The following LRP1B variants were observed in gnomAD, a reference collection of about 807,000 sequenced individuals.
The protein encoded by LRP1B is LDL receptor related protein 1B.
A neutral mutation model predicts 556.6 loss-of-function variants in LRP1B; 217 were observed. The observed-to-expected ratio is 0.39, with a 90% CI of 0.35 to 0.44. The LOEUF is 0.44. Among genes scored for constraint, LRP1B ranks in the 20% least tolerant of loss-of-function variants. The pLI is 1.00. For synonymous variants in LRP1B, 2,047 were observed against 1,865.8 expected (o/e 1.10, Z -2.50); for missense variants, 5,053 against 5,620.8 (o/e 0.90, Z 3.23).
Position 140,231,547 on chromosome 2 carries a change from T to A in LRP1B, c.*1639A>T, listed in dbSNP as rs191508678. On this transcript the variant is annotated 3_prime_UTR_variant, in exon 91 of 91. Coordinates refer to ENST00000389484, the MANE Select transcript of LRP1B (RefSeq NM_018557.3). The stretch of plus-strand genomic sequence containing the variant: ...ACCAAAATGAAAAATACTGTTCAAT[T>A]TAAAAAATGTACTTAAACAAGAACC... 6.6e-6 allele frequency: 1 copy of A among 151,818 alleles called. No individual in the cohort carries two copies. The highest frequency in any genetic ancestry group is 2.4e-5 in the African/African-American group (1 of 41,438). 9.4% of individuals were successfully genotyped at this position (151,818 alleles called of 1,614,324 possible).
chr2:141,308,133 AG>A (rs1405189340), intron 3 of LRP1B, among the ~76,000 whole-genome samples: 1 of 152,220 alleles, frequency 6.6e-6, no homozygotes, highest in Admixed American at 6.5e-5. Flanking sequence ...GCACTGGTTC[AG>A]GAATCAGTAT....
intron 1 of LRP1B, among the ~76,000 whole-genome samples, chr2:141,930,711 C>A (rs1700476308): frequency 6.6e-6 from 1 of 151,942 alleles, no homozygotes; most frequent in Non-Finnish European, 1.5e-5. Context: ...GTATTTGATT[C>A]TTCTTATCTG....
At chr2:140,720,458 C>CATT (rs1559075588) in intron 35 of LRP1B, among the ~76,000 whole-genome samples, 1 of 151,818 alleles carries the variant, frequency 6.6e-6, no homozygotes, top group African/African-American at 2.4e-5. Flanking sequence ...AGCTATTGTG[C>CATT]ATTATAATTA....
intron 2 of LRP1B, among the ~76,000 whole-genome samples, chr2:141,603,161 T>C (rs1369565963): frequency 6.6e-6 from 1 of 152,206 alleles, no homozygotes; most frequent in Admixed American, 6.5e-5. Flanking sequence ...AGTATCTGAC[T>C]CAAGCAAGTA....
chr2:142,022,073 T>C (rs1003505623), intron 1 of LRP1B, among the ~76,000 whole-genome samples: 34 of 152,166 alleles, frequency 2.2e-4, no homozygotes, highest in African/African-American at 8.0e-4. Flanking sequence ...TATTAAAGTA[T>C]GACTTGTGAA....
intron 1 of LRP1B, among the ~76,000 whole-genome samples, chr2:141,858,242 A>C (rs983655850): frequency 6.6e-6 from 1 of 152,166 alleles, no homozygotes; most frequent in Non-Finnish European, 1.5e-5. Flanking sequence ...ATTCATGTAG[A>C]GTTGACCATT....
chr2:141,610,910 G>T (rs1051092369), intron 2 of LRP1B, among the ~76,000 whole-genome samples: 1 of 152,152 alleles, frequency 6.6e-6, no homozygotes, highest in Non-Finnish European at 1.5e-5. Context: ...GTACTGGATT[G>T]AATTTGATTG....
In LRP1B at chr2:141,544,296, C is replaced by CTCTTCTTCTTCT. The variant is rs1175616888; in HGVS notation, c.206-63775_206-63764dup. On this transcript the variant is annotated intron_variant, in intron 2 of 90. Coordinates refer to ENST00000389484, the MANE Select transcript of LRP1B (RefSeq NM_018557.3). ...AAGTCTTCTCTTAAGAAATTTACCA[C>CTCTTCTTCTTCT]TCTTCTTCTTCTTCTTCTTCTTCTT... is the stretch of plus-strand genomic sequence containing the variant. Among the ~76,000 whole-genome samples the CTCTTCTTCTTCT allele has an allele frequency of 5.2e-4, 41 of 78,344 alleles. 1 individual carries two copies. Among genetic ancestry groups the CTCTTCTTCTTCT allele is most frequent in the African/African-American group, 2.0e-3 (39 of 19,386 alleles). 51.4% of individuals were successfully genotyped at this position (78,344 alleles called of 152,430 possible). A position where few individuals can be genotyped will look rare whatever the true frequency, so the allele number is the denominator to read the frequency against.
chr2:140,490,289 C>A (rs1688645786), intron 57 of LRP1B, among the ~76,000 whole-genome samples: 2 of 151,984 alleles, frequency 1.3e-5, no homozygotes, highest in Non-Finnish European at 2.9e-5. Context: ...AATTTTCATT[C>A]CCAAAATGTA....
intron 3 of LRP1B, among the ~76,000 whole-genome samples, chr2:141,379,549 G>A (rs955768139): frequency 6.6e-6 from 1 of 152,130 alleles, no homozygotes; most frequent in Non-Finnish European, 1.5e-5. Flanking sequence ...ATTGAAACAG[G>A]CAGGAAAAGC....
intron 82 of LRP1B, among the ~76,000 whole-genome samples, chr2:140,318,102 C>T (rs1269830155): frequency 6.6e-6 from 1 of 151,942 alleles, no homozygotes; most frequent in African/African-American, 2.4e-5. Context: ...CATCAGTTAA[C>T]AATAGCAGCC....
At chr2:140,484,687 T>G (rs1034944716) in intron 59 of LRP1B, among the ~76,000 whole-genome samples, 1 of 152,162 alleles carries the variant, frequency 6.6e-6, no homozygotes, top group Admixed American at 6.6e-5. Flanking sequence ...ATAATGGTCA[T>G]AATCTATAGA....
chr2:141,937,966 A>T (rs1320358833), intron 1 of LRP1B, among the ~76,000 whole-genome samples: 2 of 151,976 alleles, frequency 1.3e-5, no homozygotes, highest in African/African-American at 4.8e-5. Flanking sequence ...CTCATTGTGT[A>T]TTCTTGGTGC....
intron 43 of LRP1B, among the ~76,000 whole-genome samples, chr2:140,558,865 G>A (rs1270214985): frequency 2.0e-5 from 3 of 151,788 alleles, no homozygotes. Flanking sequence ...AAACCTGGGA[G>A]GTAGAGGCTG....
intron 3 of LRP1B, among the ~76,000 whole-genome samples, chr2:141,285,841 C>T (rs1179363461): frequency 6.1e-5 from 9 of 147,952 alleles, no homozygotes; most frequent in Non-Finnish European, 1.1e-4. Flanking sequence ...CCGAGGCGGG[C>T]GGATCACGAG....
At chr2:141,346,282 A>C (rs1398925455) in intron 3 of LRP1B, among the ~76,000 whole-genome samples, 2 of 152,030 alleles carry the variant, frequency 1.3e-5, no homozygotes, top group African/African-American at 4.8e-5. Flanking sequence ...TGTTTTTTTA[A>C]AAAAAGCAAC....
chr2:141,546,345 G>A (rs1251273143), intron 2 of LRP1B, among the ~76,000 whole-genome samples: 1 of 152,108 alleles, frequency 6.6e-6, no homozygotes, highest in Admixed American at 6.6e-5. Flanking sequence ...CAAAAAGCTA[G>A]TAAGCGGGCA....
chr2:141,599,189 T>C (rs1687644276), intron 2 of LRP1B, among the ~76,000 whole-genome samples: 1 of 151,526 alleles, frequency 6.6e-6, no homozygotes, highest in African/African-American at 2.4e-5. Context: ...TCATATCACT[T>C]TTGTTCATAG....
intron 79 of LRP1B, among the ~76,000 whole-genome samples, chr2:140,328,018 A>C (rs1489556251): frequency 6.6e-6 from 1 of 152,068 alleles, no homozygotes; most frequent in Admixed American, 6.6e-5. Flanking sequence ...GGAATCAACT[A>C]ACTTTTCCTG....
Sources: gnomAD v4.1 joint callset for allele counts (sites outside exome capture counted in the v4.1 genomes callset) on GRCh38, gnomAD v4.1.1 for gene constraint, MANE v1.5 for transcripts, NCBI Gene and HGNC (gene_info 2026-07-23, HGNC 2026-07-21) for gene names.